SRD5A3: variants seen among roughly 807,000 people sequenced by gnomAD.
The protein encoded by SRD5A3 is polyprenal reductase.
A neutral mutation model predicts 34.3 loss-of-function variants in SRD5A3; 24 were observed. That is an observed-to-expected ratio of 0.70 (90% CI 0.51 to 0.99). The LOEUF (loss-of-function observed/expected upper bound fraction) is 0.99. Ranked by LOEUF, SRD5A3 falls within the 50% of genes least tolerant of loss-of-function variation. SRD5A3 has a pLI of 0.00. For synonymous variants in SRD5A3, 161 were observed against 167.3 expected (o/e 0.96, Z 0.29); for missense variants, 350 against 388.2 (o/e 0.90, Z 0.83).
intron 2 of SRD5A3, among the ~76,000 whole-genome samples, chr4:55,361,802 T>TA (rs979378099): frequency 7.3e-5 from 11 of 150,492 alleles, no homozygotes; most frequent in African/African-American, 1.7e-4. Flanking sequence ...AGACTCCATC[T>TA]AAAAAAAAAG....
At position 55,346,489 on chromosome 4, in the gene SRD5A3, C is replaced by T. The variant is rs1238884239; in HGVS notation, c.153C>T (p.Arg51=). Residue 51 remains arginine, a synonymous_variant, in exon 1 of 5, where the codon CGC becomes CGT. Transcript: ENST00000264228. The part of the protein sequence containing the change: ...PGCAIFQDLI[R]YGKTKCGEPS... ...GCGCGATCTTCCAGGACCTGATCCGCTATGGGAAAACCAAGTGTGGGGAGC... is the reference window on the plus strand; with the variant it reads ...GCGCGATCTTCCAGGACCTGATCCGTTATGGGAAAACCAAGTGTGGGGAGC... The T allele has an allele frequency of 6.2e-7, 1 of 1,604,260 alleles. No homozygotes were observed. The highest frequency in any genetic ancestry group is 8.5e-7 in the Non-Finnish European group (1 of 1,176,054).
chr4:55,360,315 T>C (rs746809437), intron 2 of SRD5A3, among the ~76,000 whole-genome samples: 3 of 151,680 alleles, frequency 2.0e-5, no homozygotes, highest in Non-Finnish European at 4.4e-5. Context: ...AAGACCAGCC[T>C]GGCCAATGTG....
chr4:55,355,898 C>T (rs1174842911), intron 1 of SRD5A3, among the ~76,000 whole-genome samples: 5 of 151,926 alleles, frequency 3.3e-5, no homozygotes, highest in Admixed American at 2.0e-4. Context: ...TACCTGGCAC[C>T]CCTTACCCGC....
intron 1 of SRD5A3, among the ~76,000 whole-genome samples, chr4:55,347,499 G>A (rs34157065): frequency 0.31 from 47,259 of 151,982 alleles, 8,414 homozygotes; most frequent in Non-Finnish European, 0.41. Flanking sequence ...GCTTGGTGGC[G>A]TGTGCCTGTA....
At chr4:55,363,274 A>T (rs1039522150) in intron 2 of SRD5A3, among the ~76,000 whole-genome samples, 7 of 152,048 alleles carry the variant, frequency 4.6e-5, no homozygotes, top group African/African-American at 1.4e-4. Context: ...AACAAAAAAA[A>T]TTTTTTTTTA....
intron 2 of SRD5A3, among the ~76,000 whole-genome samples, chr4:55,361,710 A>G (rs1271102239): frequency 6.6e-6 from 1 of 152,122 alleles, no homozygotes; most frequent in East Asian, 1.9e-4. Flanking sequence ...AGGCTGAGGC[A>G]GGAGAATGGC....
intron 1 of SRD5A3, among the ~76,000 whole-genome samples, chr4:55,356,858 C>A (rs189974949): frequency 6.6e-6 from 1 of 152,220 alleles, no homozygotes; most frequent in East Asian, 1.9e-4. Context: ...CACTCATCTG[C>A]CCAAATGGCT....
At chr4:55,361,782 C>T (rs1406266084) in intron 2 of SRD5A3, among the ~76,000 whole-genome samples, 1 of 151,984 alleles carries the variant, frequency 6.6e-6, no homozygotes, top group Non-Finnish European at 1.5e-5. Context: ...CCAGCCTGTG[C>T]CACAGAGTGA....
intron 2 of SRD5A3, among the ~76,000 whole-genome samples, chr4:55,361,574 G>A (rs187352257): frequency 2.6e-5 from 4 of 151,656 alleles, no homozygotes; most frequent in South Asian, 4.2e-4. Flanking sequence ...GGCTGAAGCA[G>A]GTGGATCACT....
chr4:55,361,482 CAAA>C (rs59113946), intron 2 of SRD5A3, among the ~76,000 whole-genome samples: 52 of 101,974 alleles, frequency 5.1e-4, no homozygotes, highest in South Asian at 6.5e-4. Context: ...GACTCCGTCT[CAAA>C]AAAAAAAAAA....
intron 1 of SRD5A3, among the ~76,000 whole-genome samples, chr4:55,349,715 C>T (rs971194690): frequency 5.9e-5 from 9 of 152,028 alleles, no homozygotes; most frequent in Admixed American, 2.6e-4. Context: ...CAAATGGTAT[C>T]GAAGCTTTGG....
intron 1 of SRD5A3, among the ~76,000 whole-genome samples, chr4:55,356,670 C>A (rs1017064820): frequency 6.6e-6 from 1 of 151,534 alleles, no homozygotes; most frequent in Non-Finnish European, 1.5e-5. Flanking sequence ...AGAGATGGGG[C>A]CTCATTATGT....
intron 2 of SRD5A3, among the ~76,000 whole-genome samples, chr4:55,362,842 C>CTT (rs757066208): frequency 2.3e-5 from 3 of 127,936 alleles, no homozygotes; most frequent in African/African-American, 2.9e-5. Context: ...GTGTGTGAGA[C>CTT]TTTTTTTTTT....
chr4:55,358,243 T>A (rs1039438819), intron 1 of SRD5A3, among the ~76,000 whole-genome samples: 1 of 151,940 alleles, frequency 6.6e-6, no homozygotes, highest in African/African-American at 2.4e-5. Context: ...AAAGAACCTA[T>A]GAGGGGCTGG....
intron 2 of SRD5A3, among the ~76,000 whole-genome samples, 171 bp downstream of exon 2, chr4:55,359,659 A>G (rs1049570458): frequency 2.0e-5 from 3 of 152,176 alleles, no homozygotes; most frequent in African/African-American, 7.2e-5. Context: ...CCGGATGGCC[A>G]AAAGGATGTC....
chr4:55,346,451 C>G lies in SRD5A3; in HGVS notation c.115C>G (p.Leu39Val), dbSNP rs771970471. The change falls in exon 1 of 5, where the codon CTG (leucine) becomes GTG (valine). Residue 39 changes from leucine to valine, a missense_variant. Leu to Val is a conservative substitution (Grantham distance 32, BLOSUM62 1). Around this residue, in one of 3 missense-constraint regions of SRD5A3, gnomAD observed 159 missense variants for 149.1 expected, o/e 1.07. Coordinates refer to ENST00000264228, the MANE Select transcript of SRD5A3 (RefSeq NM_024592.5). ...ACTGCTGCAGCTCCTGCCGCCCGGC[C>G]TGCTCCCGGGCTGCGCGATCTTCCA... The part of the protein sequence containing the change: ...TLLLQLLPPG[L>V]LPGCAIFQDL... 1.2e-6 allele frequency: 2 copies of G among 1,607,440 alleles called. No individual in the cohort carries two copies. The highest frequency in any genetic ancestry group is 1.7e-5 in the Admixed American group (1 of 59,564).
In SRD5A3 at chr4:55,346,775, C is replaced by T. The variant is rs1301014690; in HGVS notation, c.221+218C>T. Among the ~76,000 whole-genome samples the T allele has an allele frequency of 9.2e-5, 14 of 152,154 alleles. 1 individual carries two copies. Among genetic ancestry groups the T allele is most frequent in the Admixed American group, 6.5e-4 (10 of 15,286 alleles). Reference sequence around the variant, plus strand: ...GCAGTGCCCGGGTGTCCGCGGACGCCGAGGGAGAGCGGAGCCGCTTGCACT... The same window carrying T: ...GCAGTGCCCGGGTGTCCGCGGACGCTGAGGGAGAGCGGAGCCGCTTGCACT... On this transcript the variant is annotated intron_variant, in intron 1 of 4. Transcript: ENST00000264228.
chr4:55,346,347 G>C lies in SRD5A3; in HGVS notation c.11G>C (p.Trp4Ser), dbSNP rs1718991446. Residue 4 changes from tryptophan (W) to serine (S), a missense_variant, in exon 1 of 5, where the codon TGG (tryptophan) becomes TCG (serine). Physicochemically the swap from Trp to Ser is radical, Grantham distance 177. Transcript: ENST00000264228. The stretch of plus-strand genomic sequence containing the variant: ...GCGGGCACGCGGGCCATGGCTCCCT[G>C]GGCGGAGGCCGAGCACTCGGCGCTG... MAP[W>S]AEAEHSALNP... 1 of 1,509,308 alleles carries C rather than the reference G, an allele frequency of 6.6e-7. No individual in the cohort carries two copies. Among genetic ancestry groups the C allele is most frequent in the Non-Finnish European group, 8.8e-7 (1 of 1,130,528 alleles). The allele number at this position is 1,509,308 out of a possible 1,614,324, so 93.5% of individuals were successfully genotyped here. A position where few individuals can be genotyped will look rare whatever the true frequency, so the allele number is the denominator to read the frequency against.
chr4:55,352,930 G>A lies in SRD5A3; in HGVS notation c.221+6373G>A, dbSNP rs192211205. ...AGTGGGCGTGAGTGACAACATAGAA[G>A]GATGGATGGGGTGGGGGAAACAGTA... On this transcript the variant is annotated intron_variant, in intron 1 of 4. Coordinates refer to ENST00000264228, the MANE Select transcript of SRD5A3 (RefSeq NM_024592.5). 2.6e-5 allele frequency among the ~76,000 whole-genome samples: 4 copies of A among 152,362 alleles called. No individual in the cohort carries two copies. The East Asian group carries it at 7.7e-4, about 29-fold the overall frequency.
Sources: gnomAD v4.1 joint callset for allele counts (sites outside exome capture counted in the v4.1 genomes callset) on GRCh38, gnomAD v4.1.1 for gene constraint, gnomAD v4.1.1 regional missense constraint, MANE v1.5 for transcripts, NCBI Gene and HGNC (gene_info 2026-07-23, HGNC 2026-07-21) for gene names.